ARHGEF1: variants seen among roughly 807,000 people sequenced by gnomAD.
ARHGEF1 encodes the protein Rho guanine nucleotide exchange factor 1, also known as 115 kDa guanine nucleotide exchange factor.
In ARHGEF1, 40 loss-of-function variants were observed where a neutral mutation model predicts 119.7. The ratio of observed to expected loss-of-function variants is 0.33; its 90% CI spans 0.26 to 0.44. ARHGEF1 has a LOEUF of 0.44. Ranked by LOEUF, ARHGEF1 falls within the 20% of genes least tolerant of loss-of-function variation. The pLI, the probability that ARHGEF1 is intolerant of heterozygous loss-of-function variation, is 1.00. For missense variants in ARHGEF1, 976 were observed against 1,268.3 expected, an observed-to-expected ratio of 0.77 and a Z score of 3.50; for synonymous variants, 494 against 521.0, an observed-to-expected ratio of 0.95 and a Z score of 0.71.
chr19:41,914,243 C>A (rs1262321915), intron 18 of ARHGEF1, among the ~76,000 whole-genome samples: 2 of 151,120 alleles, frequency 1.3e-5, no homozygotes, highest in Admixed American at 1.3e-4. Context: ...CCCCGTCTTT[C>A]TCCATCTGCC....
intron 1 of ARHGEF1, among the ~76,000 whole-genome samples, chr19:41,925,906 G>A (rs1381402600): frequency 2.0e-5 from 3 of 152,010 alleles, no homozygotes; most frequent in Non-Finnish European, 4.4e-5. Flanking sequence ...GGGGACTGGT[G>A]GGGGCAGGCC....
chr19:41,909,843 A>G, downstream of ARHGEF1: 1 of 1,587,478 alleles, frequency 6.3e-7, no homozygotes, highest in Non-Finnish European at 8.6e-7. The surrounding 1 kb of genome is among the most constrained non-coding windows in gnomAD (Gnocchi z 5.2). Context: ...GGTGGGATCC[A>G]GCCCCAAGCC....
At chr19:41,895,591 C>T in intron 12 of ARHGEF1, 105 bp downstream of exon 12, 1 of 1,230,574 alleles carries the variant, frequency 8.1e-7, no homozygotes, top group South Asian at 1.5e-5. Flanking sequence ...CCAGCAACAC[C>T]TCCCCTTTGC....
upstream of ARHGEF1, among the ~76,000 whole-genome samples, chr19:41,919,071 C>T (rs1315742346): frequency 6.6e-6 from 1 of 151,636 alleles, no homozygotes; most frequent in African/African-American, 2.4e-5. Flanking sequence ...TACACACACC[C>T]ACACACATTA....
At chr19:41,895,262 T>G (rs1352100889) in intron 11 of ARHGEF1, 87 bp from the exon 12 acceptor site, 63 of 1,505,662 alleles carry the variant, frequency 4.2e-5, no homozygotes, top group Non-Finnish European at 5.6e-5. Context: ...GGGAAGGGCC[T>G]GAGCACAGCC....
At chr19:41,928,840 G>A (rs1555853577) in exon 2 of ARHGEF1, 2 of 449,056 alleles carry the variant, frequency 4.5e-6, no homozygotes, top group South Asian at 1.6e-5. Context: ...GTGGACGCGC[G>A]GACAAACGGA....
rs2074804035 is a variant in ARHGEF1, at chr19:41,916,758, A to G, written c.1866-6334A>G. ...ACACCAGCACCAACCCAGACAGCCAACGCACACGGCCACACACACACCCAT... is the reference window on the plus strand; with the variant it reads ...ACACCAGCACCAACCCAGACAGCCAGCGCACACGGCCACACACACACCCAT... On this transcript the variant is annotated intron_variant, in intron 18 of 20. Transcript: ENST00000599589. The surrounding 1 kb of genome is among the most constrained non-coding windows in gnomAD (Gnocchi z 5.4). Among the ~76,000 whole-genome samples, 1 of 151,954 alleles carries G rather than the reference A, an allele frequency of 6.6e-6. No individual in the cohort carries two copies. Among genetic ancestry groups the G allele is most frequent in the African/African-American group, 2.4e-5 (1 of 41,330 alleles).
At chr19:41,886,506 C>T (rs2074296019) in intron 1 of ARHGEF1, among the ~76,000 whole-genome samples, 1 of 152,188 alleles carries the variant, frequency 6.6e-6, no homozygotes. Context: ...GTCTCAAACT[C>T]CTGAGCTCAA....
Position 41,883,223 on chromosome 19 carries a change from AC to A in ARHGEF1, c.-83del. 5.1e-6 allele frequency: 1 copy of A among 194,914 alleles called. No homozygotes were observed. 12.1% of individuals were successfully genotyped at this position (194,914 alleles called of 1,614,324 possible). The stretch of plus-strand genomic sequence containing the variant: ...CCAGAGCCAGGAAGCGGGAGCCGGG[AC>A]CCAGGGCCCGGGATCGCCGAGCCCG... On this transcript the variant is annotated 5_prime_UTR_variant, in exon 1 of 29. Transcript: ENST00000354532. The surrounding 1 kb of genome is among the most constrained non-coding windows in gnomAD (Gnocchi z 7.6).
At chr19:41,884,578 C>T (rs2074265375) in intron 1 of ARHGEF1, 2 of 1,545,068 alleles carry the variant, frequency 1.3e-6, no homozygotes, top group Non-Finnish European at 1.7e-6. Flanking sequence ...CTGCCACGTC[C>T]CCCGTAGGAT....
rs1599661820 is a variant in ARHGEF1, at chr19:41,903,991, A to C, written c.1918-44A>C. The C allele has an allele frequency of 9.7e-6, 15 of 1,539,696 alleles. No homozygotes were observed. The highest frequency in any genetic ancestry group is 4.4e-5 in the African/African-American group (3 of 68,278). ...CTTCCCCTCCCCACCAACCCCAATC[A>C]CCCCCTGCCAACCTGCACAAACCAT... On this transcript the variant is annotated intron_variant, in intron 20 of 28. Transcript: ENST00000354532. The surrounding 1 kb of genome is among the most constrained non-coding windows in gnomAD (Gnocchi z 4.2).
upstream of ARHGEF1, among the ~76,000 whole-genome samples, chr19:41,919,313 A>C (rs2074823602): frequency 3.9e-5 from 6 of 152,312 alleles, no homozygotes; most frequent in South Asian, 1.2e-3. Context: ...ACAAGTTCAC[A>C]GAAGTTGCAG....
intron 18 of ARHGEF1, among the ~76,000 whole-genome samples, chr19:41,914,042 T>C (rs1308744397): frequency 8.3e-6 from 1 of 120,834 alleles, no homozygotes; most frequent in African/African-American, 3.3e-5. Flanking sequence ...CCTCAGACCC[T>C]GGCAGCCCAC....
intron 8 of ARHGEF1, 78 bp from the exon 9 acceptor site, chr19:41,894,129 T>G: frequency 1.4e-6 from 1 of 732,754 alleles, no homozygotes; most frequent in Non-Finnish European, 1.9e-6. Context: ...AGAGAGTGTG[T>G]GTGTGAGTGT....
chr19:41,918,731 C>T (rs1395399530), upstream of ARHGEF1, among the ~76,000 whole-genome samples: 1 of 150,648 alleles, frequency 6.6e-6, no homozygotes, highest in Non-Finnish European at 1.5e-5. Context: ...ACACACCACA[C>T]ACCACCCCAC....
chr19:41,906,967 G>A lies in ARHGEF1; in HGVS notation c.*18-138G>A, dbSNP rs1347151575. ...TCTGTGTCTCTGTTTCTGATAATCT[G>A]TTTCTCTGTCTCTGTGCCCGCCTGC... On this transcript the variant is annotated intron_variant, in intron 28 of 28. Transcript: ENST00000354532. This position sits in a 1 kb window ranked among gnomAD's most constrained non-coding sequence, Gnocchi z 4.5. The A allele has an allele frequency of 1.0e-6, 1 of 981,012 alleles. No individual in the cohort carries two copies. The highest frequency in any genetic ancestry group is 1.5e-6 in the Non-Finnish European group (1 of 686,896). 60.8% of individuals were successfully genotyped at this position (981,012 alleles called of 1,614,324 possible).
At chr19:41,887,981 A>G (rs1385642578) in intron 1 of ARHGEF1, 83 bp from the exon 2 acceptor site, 1 of 1,465,040 alleles carries the variant, frequency 6.8e-7, no homozygotes, top group East Asian at 2.4e-5. Context: ...ACTCACCTTC[A>G]CACCTGGGCC....
upstream of ARHGEF1, among the ~76,000 whole-genome samples, chr19:41,921,137 G>A (rs545137872): frequency 6.6e-6 from 1 of 152,108 alleles, no homozygotes; most frequent in African/African-American, 2.4e-5. The surrounding 1 kb of genome is among the most constrained non-coding windows in gnomAD (Gnocchi z 4.4). Context: ...GGGAGAGGGA[G>A]GGTGGAGGCG....
At chr19:41,893,148 A>T in intron 7 of ARHGEF1, 126 bp from the exon 8 acceptor site, 2 of 1,328,710 alleles carry the variant, frequency 1.5e-6, no homozygotes, top group Non-Finnish European at 2.1e-6. Context: ...AATCCCTTCC[A>T]CAGTGTCCCC....
Sources: allele counts gnomAD v4.1 joint callset (sites outside exome capture counted in the v4.1 genomes callset), GRCh38; gene constraint gnomAD v4.1.1; non-coding constraint Gnocchi (gnomAD v3.1); transcripts MANE v1.5; gene names NCBI Gene and HGNC (gene_info 2026-07-23, HGNC 2026-07-21).